Variants in AK3 observed in about 807,000 individuals in gnomAD.
The protein encoded by AK3 is adenylate kinase 3.
A neutral mutation model predicts 23.7 loss-of-function variants in AK3; 27 were observed. The observed-to-expected ratio is 1.14, with a 90% CI of 0.84 to 1.57. The LOEUF is 1.57. Among genes scored for constraint, AK3 ranks in the 40% most tolerant of loss-of-function variants. The pLI is 0.00. For missense variants in AK3, 406 were observed against 285.6 expected (o/e 1.42, Z -3.04); for synonymous variants, 159 against 116.0 (o/e 1.37, Z -2.38).
chr9:4,736,932 C>T (rs1842307963), intron 1 of AK3, among the ~76,000 whole-genome samples: 1 of 152,172 alleles, frequency 6.6e-6, no homozygotes, highest in African/African-American at 2.4e-5. Context: ...CCAGCCTTGG[C>T]CTCCCAAAGT....
intron 1 of AK3, among the ~76,000 whole-genome samples, chr9:4,739,578 G>A (rs528667167): frequency 6.6e-6 from 1 of 151,406 alleles, no homozygotes; most frequent in Admixed American, 6.6e-5. Context: ...CAGACACAAA[G>A]TGAAACCACA....
At chr9:4,714,025 G>GC (rs1563781030) in intron 4 of AK3, among the ~76,000 whole-genome samples, 16 of 2,842 alleles carry the variant, frequency 5.6e-3, no homozygotes, top group African/African-American at 0.013. Flanking sequence ...CACATATACA[G>GC]CTACACATAT....
At chr9:4,722,473 G>C (rs756993396) in intron 2 of AK3, 33 bp downstream of exon 2, 55 of 1,613,504 alleles carry the variant, frequency 3.4e-5, no homozygotes, top group South Asian at 1.9e-4. Context: ...TGATTATTTT[G>C]GGCAGGTGAA....
upstream of AK3, chr9:4,741,244 G>C (rs1407515207): frequency 1.2e-6 from 1 of 800,134 alleles, no homozygotes; most frequent in Non-Finnish European, 1.7e-6. Flanking sequence ...ACAGCCCCTG[G>C]GGCCGCCCAG....
chr9:4,712,903 G>C lies in AK3; in HGVS notation c.*73C>G. 1 of 1,520,584 alleles carries C rather than the reference G, an allele frequency of 6.6e-7. No homozygotes were observed. The highest frequency in any genetic ancestry group is 8.9e-7 in the Non-Finnish European group (1 of 1,122,696). The allele number at this position is 1,520,584 out of a possible 1,614,324, so 94.2% of individuals were successfully genotyped here. ...GAATTCATACATACTAGAAGTCTTA[G>C]GAAAAGCAGCTTCTAAATGCAAGGA... On this transcript the variant is annotated 3_prime_UTR_variant, in exon 5 of 5. Transcript: ENST00000381809.
At chr9:4,737,832 T>G (rs1248103291) in intron 1 of AK3, among the ~76,000 whole-genome samples, 1 of 152,212 alleles carries the variant, frequency 6.6e-6, no homozygotes, top group African/African-American at 2.4e-5. Flanking sequence ...GCTTTGCTAC[T>G]GTCAATGAGT....
At chr9:4,725,547 T>A (rs1021448092) in intron 1 of AK3, among the ~76,000 whole-genome samples, 4 of 151,872 alleles carry the variant, frequency 2.6e-5, no homozygotes, top group African/African-American at 7.3e-5. Flanking sequence ...GGTGGGCAGA[T>A]CACCTGAGGT....
intron 1 of AK3, among the ~76,000 whole-genome samples, chr9:4,733,571 C>A (rs546949079): frequency 1.7e-3 from 262 of 152,284 alleles, no homozygotes; most frequent in Non-Finnish European, 3.1e-3. Flanking sequence ...CCTCCCTTGA[C>A]CATTGTTCCT....
chr9:4,733,481 ATTC>A (rs1337520671), intron 1 of AK3, among the ~76,000 whole-genome samples: 2 of 152,172 alleles, frequency 1.3e-5, no homozygotes, highest in East Asian at 3.9e-4. Context: ...TGTTCATTTT[ATTC>A]TTCTTCTAAC....
At chr9:4,730,944 G>A (rs901763230) in intron 1 of AK3, among the ~76,000 whole-genome samples, 1 of 151,988 alleles carries the variant, frequency 6.6e-6, no homozygotes, top group Admixed American at 6.6e-5. Context: ...ATTGCTCTGT[G>A]AACTTCCACT....
Position 4,712,058 on chromosome 9 carries a change from TTC to T in AK3, c.*916_*917del, listed in dbSNP as rs1841575607. The T allele has an allele frequency of 6.6e-6, 1 of 152,170 alleles. No individual in the cohort carries two copies. The highest frequency in any genetic ancestry group is 1.5e-5 in the Non-Finnish European group (1 of 68,034). 9.4% of individuals were successfully genotyped at this position (152,170 alleles called of 1,614,324 possible). ...TAGTGCCACGGGTTTCTCTTTTTTC[TTC>T]TCTTTTTTATTGGCGGGGGAGATGG... is the stretch of plus-strand genomic sequence containing the variant. On this transcript the variant is annotated 3_prime_UTR_variant, in exon 5 of 5. Coordinates refer to ENST00000381809, the MANE Select transcript of AK3 (RefSeq NM_016282.4).
intron 1 of AK3, among the ~76,000 whole-genome samples, chr9:4,739,804 G>A (rs1177363869): frequency 6.6e-6 from 1 of 151,944 alleles, no homozygotes; most frequent in Admixed American, 6.6e-5. Context: ...GGTGGCATGC[G>A]CCTGTAGTCC....
chr9:4,722,641 GA>G lies in AK3; in HGVS notation c.152-17del, dbSNP rs751338127. On this transcript the variant is annotated splice_polypyrimidine_tract_variant and intron_variant, in intron 1 of 4. Coordinates refer to ENST00000381809, the MANE Select transcript of AK3 (RefSeq NM_016282.4). ...ACGCCAATTTCTACAGCAAAGCGGG[GA>G]AAAAAATCAGTAAGTGCATTTGTTT... The G allele has an allele frequency of 1.2e-6, 2 of 1,613,074 alleles. No individual in the cohort carries two copies. Among genetic ancestry groups the G allele is most frequent in the Non-Finnish European group, 1.7e-6 (2 of 1,179,690 alleles).
chr9:4,736,571 A>G (rs1842298810), intron 1 of AK3, among the ~76,000 whole-genome samples: 1 of 152,088 alleles, frequency 6.6e-6, no homozygotes, highest in Non-Finnish European at 1.5e-5. Flanking sequence ...GAAGAAATAT[A>G]GAATCCAGGG....
At chr9:4,714,665 G>A (rs568368162) in intron 4 of AK3, among the ~76,000 whole-genome samples, 1 of 152,246 alleles carries the variant, frequency 6.6e-6, no homozygotes, top group African/African-American at 2.4e-5. Context: ...GTGAACATTT[G>A]TCATTTTAAT....
intron 1 of AK3, among the ~76,000 whole-genome samples, chr9:4,723,139 A>G (rs984153845): frequency 6.6e-6 from 1 of 152,266 alleles, no homozygotes; most frequent in African/African-American, 2.4e-5. Flanking sequence ...GGAAAAATAT[A>G]TAAATGTAAA....
At chr9:4,725,021 C>A (rs3040372) in intron 1 of AK3, among the ~76,000 whole-genome samples, 2 of 67,494 alleles carry the variant, frequency 3.0e-5, no homozygotes, top group Non-Finnish European at 4.0e-5. Flanking sequence ...CTACTAAACT[C>A]TTTTTTTTTT....
intron 1 of AK3, among the ~76,000 whole-genome samples, chr9:4,727,457 T>C (rs1405730186): frequency 6.6e-6 from 1 of 152,230 alleles, no homozygotes; most frequent in Non-Finnish European, 1.5e-5. Context: ...CTTCTTTCCT[T>C]AAACCTCATG....
At chr9:4,718,367 C>G in intron 4 of AK3, 52 bp downstream of exon 4, 1 of 1,372,374 alleles carries the variant, frequency 7.3e-7, no homozygotes, top group Non-Finnish European at 1.0e-6. Flanking sequence ...AAAATCAAAA[C>G]TAGACTTAGT....
Sources: allele counts gnomAD v4.1 joint callset (sites outside exome capture counted in the v4.1 genomes callset), GRCh38; gene constraint gnomAD v4.1.1; transcripts MANE v1.5; gene names NCBI Gene and HGNC (gene_info 2026-07-23, HGNC 2026-07-21).